Variants in PDE10A observed in about 807,000 individuals in gnomAD.
PDE10A encodes the protein phosphodiesterase 10A, also known as cAMP and cAMP-inhibited cGMP 3',5'-cyclic phosphodiesterase 10A.
Under a neutral mutation model 97.7 loss-of-function variants are expected in PDE10A, and 39 were observed. The ratio of observed to expected loss-of-function variants is 0.40; its 90% CI spans 0.31 to 0.52. The LOEUF (loss-of-function observed/expected upper bound fraction) is 0.52. Ranked by LOEUF, PDE10A falls within the 20% of genes least tolerant of loss-of-function variation. The pLI, the probability that PDE10A is intolerant of heterozygous loss-of-function variation, is 0.56. For synonymous variants in PDE10A, 371 were observed against 376.8 expected, an observed-to-expected ratio of 0.98 and a Z score of 0.18; for missense variants, 731 against 1,047.8, an observed-to-expected ratio of 0.70 and a Z score of 4.17.
At chr6:165,454,542 C>T (rs1009355265) in intron 3 of PDE10A, among the ~76,000 whole-genome samples, 1 of 152,068 alleles carries the variant, frequency 6.6e-6, no homozygotes, top group African/African-American at 2.4e-5. Flanking sequence ...GTTATCTCAG[C>T]AGTGGGTTTC....
intron 2 of PDE10A, among the ~76,000 whole-genome samples, chr6:165,522,213 G>C (rs1353245755): frequency 6.6e-6 from 1 of 152,064 alleles, no homozygotes; most frequent in African/African-American, 2.4e-5. Context: ...AACTCTAACA[G>C]ATGTACAAAT....
chr6:165,415,423 A>G (rs1369351333), intron 12 of PDE10A, among the ~76,000 whole-genome samples: 1 of 152,196 alleles, frequency 6.6e-6, no homozygotes, highest in Non-Finnish European at 1.5e-5. Context: ...TACTGTAAAT[A>G]TTATTCTCTA....
chr6:165,526,173 CT>C (rs1159139287), intron 2 of PDE10A, among the ~76,000 whole-genome samples: 2 of 152,212 alleles, frequency 1.3e-5, no homozygotes, highest in East Asian at 1.9e-4. Context: ...ATGATCAGAC[CT>C]TTTGGGTACT....
intron 1 of PDE10A, among the ~76,000 whole-genome samples, chr6:165,739,395 A>G (rs1030111678): frequency 6.6e-6 from 1 of 152,218 alleles, no homozygotes; most frequent in African/African-American, 2.4e-5. Context: ...GAGAACGGAC[A>G]GTGTCTTCAA....
chr6:165,520,698 G>A (rs771107333), intron 2 of PDE10A, among the ~76,000 whole-genome samples: 5 of 152,024 alleles, frequency 3.3e-5, no homozygotes, highest in African/African-American at 7.3e-5. Context: ...TGAGTCTGTC[G>A]GTCAATTACT....
At chr6:165,729,673 A>G (rs1792380039) in intron 1 of PDE10A, among the ~76,000 whole-genome samples, 2 of 152,362 alleles carry the variant, frequency 1.3e-5, no homozygotes, top group South Asian at 2.1e-4. Context: ...GGCCCACAAT[A>G]CTAATTAATT....
chr6:165,657,600 T>C (rs1189492640), intron 1 of PDE10A, among the ~76,000 whole-genome samples: 3 of 152,226 alleles, frequency 2.0e-5, no homozygotes, highest in Admixed American at 6.5e-5. Flanking sequence ...TTTTTCCCTA[T>C]TGGAGTGGAA....
intron 1 of PDE10A, among the ~76,000 whole-genome samples, chr6:165,767,922 G>A (rs980308117): frequency 6.6e-6 from 1 of 152,060 alleles, no homozygotes; most frequent in African/African-American, 2.4e-5. Flanking sequence ...TTCTCCACAT[G>A]TTTGCCAGCA....
At chr6:165,734,989 GATA>G (rs1792531291) in intron 1 of PDE10A, among the ~76,000 whole-genome samples, 2 of 147,992 alleles carry the variant, frequency 1.4e-5, no homozygotes, top group African/African-American at 2.6e-5. Flanking sequence ...TAGATAGATA[GATA>G]GTAGGTAGGT....
At chr6:165,408,841 T>C (rs1393616590) in intron 13 of PDE10A, among the ~76,000 whole-genome samples, 2 of 152,112 alleles carry the variant, frequency 1.3e-5, no homozygotes, top group East Asian at 1.9e-4. Flanking sequence ...ATAATTTTTA[T>C]GAGCTTTAGT....
intron 1 of PDE10A, among the ~76,000 whole-genome samples, chr6:165,614,728 T>C (rs895626796): frequency 1.3e-5 from 2 of 151,438 alleles, no homozygotes; most frequent in Admixed American, 6.6e-5. Context: ...TCAGAAAAAA[T>C]CAGAATGGCT....
chr6:165,542,438 G>A (rs948922753), intron 2 of PDE10A, among the ~76,000 whole-genome samples: 20 of 150,346 alleles, frequency 1.3e-4, no homozygotes, highest in African/African-American at 4.5e-4. Flanking sequence ...AAAAATACAC[G>A]TGTTTCAGAG....
At chr6:165,848,523 T>C (rs2128474442) in intron 1 of PDE10A, among the ~76,000 whole-genome samples, 1 of 152,284 alleles carries the variant, frequency 6.6e-6, no homozygotes, top group African/African-American at 2.4e-5. Context: ...GGATTCCTTT[T>C]TTCTTGGGGT....
At chr6:165,394,467 T>C (rs367781580) in intron 15 of PDE10A, among the ~76,000 whole-genome samples, 1 of 152,204 alleles carries the variant, frequency 6.6e-6, no homozygotes, top group African/African-American at 2.4e-5. Flanking sequence ...CAGTCTATCA[T>C]TGATGGGCAT....
chr6:165,369,001 G>C (rs967400042), intron 18 of PDE10A, among the ~76,000 whole-genome samples: 1 of 152,236 alleles, frequency 6.6e-6, no homozygotes, highest in African/African-American at 2.4e-5. Flanking sequence ...AACTCCAACA[G>C]ACCTGCAGCT....
chr6:165,379,509 T>C (rs1743342597), intron 17 of PDE10A, 143 bp from the exon 18 acceptor site: 3 of 611,214 alleles, frequency 4.9e-6, no homozygotes, highest in Non-Finnish European at 8.0e-6. Flanking sequence ...TTGTTTTTTT[T>C]GAATAGTTAG....
intron 17 of PDE10A, among the ~76,000 whole-genome samples, chr6:165,387,073 C>T (rs1785359000): frequency 6.6e-6 from 1 of 151,982 alleles, no homozygotes; most frequent in African/African-American, 2.4e-5. Context: ...TCTATGTAAA[C>T]ATATGTCATT....
intron 1 of PDE10A, among the ~76,000 whole-genome samples, chr6:165,707,140 C>T (rs962930696): frequency 1.3e-5 from 2 of 152,198 alleles, no homozygotes; most frequent in African/African-American, 2.4e-5. Flanking sequence ...CCCTATTTGA[C>T]CCTCAAAGTA....
At chr6:165,416,054 T>C (rs1263906193) in intron 12 of PDE10A, 135 bp downstream of exon 12, 1 of 660,802 alleles carries the variant, frequency 1.5e-6, no homozygotes, top group Non-Finnish European at 2.7e-6. Context: ...GATAGCAGAG[T>C]TGGTTCAGAG....
Sources: allele counts gnomAD v4.1 joint callset (sites outside exome capture counted in the v4.1 genomes callset), GRCh38; gene constraint gnomAD v4.1.1; transcripts MANE v1.5; gene names NCBI Gene and HGNC (gene_info 2026-07-23, HGNC 2026-07-21).